COX20: variants seen among roughly 807,000 people sequenced by gnomAD.
COX20 encodes the protein cytochrome c oxidase assembly protein COX20, mitochondrial.
A neutral mutation model predicts 14.3 loss-of-function variants in COX20; 14 were observed. The ratio of observed to expected loss-of-function variants is 0.98; its 90% CI spans 0.65 to 1.53. The LOEUF (loss-of-function observed/expected upper bound fraction) is 1.53. COX20 is among the 40% of genes most tolerant of loss of function. The pLI is 0.00. For missense variants in COX20, 149 were observed against 142.1 expected, an observed-to-expected ratio of 1.05 and a Z score of -0.25; for synonymous variants, 56 against 51.7, an observed-to-expected ratio of 1.08 and a Z score of -0.36.
chr1:244,841,608 TGATAG>T, intron 1 of COX20: 1 of 184,704 alleles, frequency 5.4e-6, no homozygotes, highest in South Asian at 1.4e-4. Flanking sequence ...TCAATTCCAA[TGATAG>T]GCATATTCCC....
intron 1 of COX20, chr1:244,841,019 G>C (rs1009130919): frequency 6.6e-6 from 1 of 152,150 alleles, no homozygotes. Context: ...CTAAACTTTT[G>C]TGTTAACAGA....
rs771340542 is a variant in COX20 at position 244,843,081 on chromosome 1, G to T, written c.262G>T (p.Glu88Ter). The T allele has an allele frequency of 3.1e-6, 5 of 1,592,538 alleles. No individual in the cohort carries two copies. The highest frequency in any genetic ancestry group is 1.7e-6 in the Non-Finnish European group (2 of 1,171,980). The change falls in exon 4 of 4, where the codon GAA becomes TAA. Residue 88 changes from glutamate (E) to a stop codon, truncating the protein, a stop_gained. Coordinates refer to ENST00000411948, the MANE Select transcript of COX20 (RefSeq NM_198076.6). LOFTEE classifies it high-confidence loss of function. ...RYNYAKQRIQ[E>*]RIAREEIKKK... ...TAATTATGCAAAGCAAAGAATCCAG[G>T]AAAGAATTGCCAGAGAAGAAATTAA...
chr1:244,835,791 TG>T, intron 1 of COX20, 35 bp downstream of exon 1: 1 of 1,240,132 alleles, frequency 8.1e-7, no homozygotes, highest in Non-Finnish European at 1.0e-6. Context: ...GCGCCGCGGG[TG>T]GGCGGTGGGT....
chr1:244,844,294 A>G lies in COX20; in HGVS notation c.*1118A>G, dbSNP rs1434321854. The G allele has an allele frequency of 6.6e-6, 1 of 152,188 alleles. No homozygotes were observed. The highest frequency in any genetic ancestry group is 2.4e-5 in the African/African-American group (1 of 41,456). 9.4% of individuals were successfully genotyped at this position (152,188 alleles called of 1,614,324 possible). A position where few individuals can be genotyped will look rare whatever the true frequency, so the allele number is the denominator to read the frequency against. ...GTGGCTGTCGCTAGGAAGGATGCAGAGGCTGTGTGGTTTACCAAATGCCTT... is the reference window on the plus strand; with the variant it reads ...GTGGCTGTCGCTAGGAAGGATGCAGGGGCTGTGTGGTTTACCAAATGCCTT... On this transcript the variant is annotated 3_prime_UTR_variant, in exon 4 of 4. Coordinates refer to ENST00000411948, the MANE Select transcript of COX20 (RefSeq NM_198076.6).
chr1:244,835,711 C>A lies in COX20; in HGVS notation c.-4C>A. On this transcript the variant is annotated 5_prime_UTR_variant, in exon 1 of 4. Coordinates refer to ENST00000411948, the MANE Select transcript of COX20 (RefSeq NM_198076.6). ...AGGGCGGGTGGAGTCGCGGAGTAGT[C>A]CTCATGGCCGCCCCGCCGGAGCCCG... is the stretch of plus-strand genomic sequence containing the variant. 1 of 1,267,532 alleles carries A rather than the reference C, an allele frequency of 7.9e-7. No individual in the cohort carries two copies. Among genetic ancestry groups the A allele is most frequent in the Non-Finnish European group, 1.0e-6 (1 of 1,004,316 alleles). 78.5% of individuals were successfully genotyped at this position (1,267,532 alleles called of 1,614,324 possible). A position where few individuals can be genotyped will look rare whatever the true frequency, so the allele number is the denominator to read the frequency against.
At position 244,843,062 on chromosome 1, in the gene COX20, TGCAAA is replaced by T; in HGVS notation, c.250_254del (p.Gln84AsnfsTer11). Reference sequence around the variant, plus strand: ...TAAGGTTTCATTGTAGGTATAATTATGCAAAGCAAAGAATCCAGGAAAGAATTGCC... The same window carrying T: ...TAAGGTTTCATTGTAGGTATAATTATGCAAAGAATCCAGGAAAGAATTGCC... On this transcript the variant is annotated frameshift_variant, in exon 4 of 4. Coordinates refer to ENST00000411948, the MANE Select transcript of COX20 (RefSeq NM_198076.6). LOFTEE classifies it high-confidence loss of function. 1 of 1,584,362 alleles carries T rather than the reference TGCAAA, an allele frequency of 6.3e-7. No homozygotes were observed. Among genetic ancestry groups the T allele is most frequent in the Non-Finnish European group, 8.6e-7 (1 of 1,167,332 alleles).
At chr1:244,838,779 T>A (rs1195371027) in intron 1 of COX20, among the ~76,000 whole-genome samples, 3 of 150,828 alleles carry the variant, frequency 2.0e-5, no homozygotes, top group African/African-American at 7.3e-5. Context: ...AGGAGAGGGG[T>A]GTATAGAGGA....
At chr1:244,842,397 C>A in intron 3 of COX20, 139 bp downstream of exon 3, 1 of 692,726 alleles carries the variant, frequency 1.4e-6, no homozygotes, top group South Asian at 1.7e-5. Context: ...AGGACATTTT[C>A]ATGGAAATCT....
Position 244,843,253 on chromosome 1 carries a change from C to A in COX20, c.*77C>A. 7.0e-7 allele frequency: 1 copy of A among 1,427,198 alleles called. No homozygotes were observed. Among genetic ancestry groups the A allele is most frequent in the Non-Finnish European group, 9.5e-7 (1 of 1,055,944 alleles). The allele number at this position is 1,427,198 out of a possible 1,614,324, so 88.4% of individuals were successfully genotyped here. On this transcript the variant is annotated 3_prime_UTR_variant, in exon 4 of 4. Transcript: ENST00000411948. ...AAACATTTCATGTGCAATAAGCTCTCAATCAAGTAAATAAAGTTTAAGTTG... is the reference window on the plus strand; with the variant it reads ...AAACATTTCATGTGCAATAAGCTCTAAATCAAGTAAATAAAGTTTAAGTTG...
At chr1:244,838,770 G>C (rs1345912581) in intron 1 of COX20, among the ~76,000 whole-genome samples, 1 of 151,972 alleles carries the variant, frequency 6.6e-6, no homozygotes, top group Non-Finnish European at 1.5e-5. Context: ...GCTGATGAGA[G>C]GAGAGGGGTG....
chr1:244,843,167 C>G lies in COX20; in HGVS notation c.348C>G (p.Ser116Arg), dbSNP rs984299020. ...LDPERKHNGS[S>R]SN ...CTGAAAGAAAACACAACGGCAGCAG[C>G]AGCAATTGAACAATCTTGAGCATAG... is the stretch of plus-strand genomic sequence containing the variant. Residue 116 changes from serine to arginine, a missense_variant, in exon 4 of 4, where the codon AGC becomes AGG. Transcript: ENST00000411948. 4 of 1,587,208 alleles carry G rather than the reference C, an allele frequency of 2.5e-6. No homozygotes were observed. In the African/African-American group the frequency reaches 5.6e-5, roughly 22 times the overall value.
In COX20 at chr1:244,838,120, G is replaced by C. The variant is rs116393494; in HGVS notation, c.42+2364G>C. Among the ~76,000 whole-genome samples, 1,233 of 152,294 alleles carry C rather than the reference G, an allele frequency of 8.1e-3. 10 individuals carry two copies. Among genetic ancestry groups the C allele is most frequent in the Non-Finnish European group, 0.012 (818 of 68,022 alleles). ...GGTGGGCAGTGGTCTGGCTCAGGATGTATTTAGAATGTGGATCCTTCCAGA... is the reference window on the plus strand; with the variant it reads ...GGTGGGCAGTGGTCTGGCTCAGGATCTATTTAGAATGTGGATCCTTCCAGA... On this transcript the variant is annotated intron_variant, in intron 1 of 3. Coordinates refer to ENST00000411948, the MANE Select transcript of COX20 (RefSeq NM_198076.6).
intron 1 of COX20, chr1:244,840,022 G>C (rs1029707833): frequency 6.6e-6 from 1 of 152,150 alleles, no homozygotes; most frequent in African/African-American, 2.4e-5. Context: ...TATTATTTTA[G>C]ACCAGAGTTT....
At position 244,843,041 on chromosome 1, in the gene COX20, G is replaced by C; in HGVS notation, c.222G>C (p.Trp74Cys). ...GGFILVTLGC[W>C]FHCRYNYAKQ... Reference sequence around the variant, plus strand: ...TTTATTCATATTCTTTTCTTCTAAGGTTTCATTGTAGGTATAATTATGCAA... The same window carrying C: ...TTTATTCATATTCTTTTCTTCTAAGCTTTCATTGTAGGTATAATTATGCAA... Residue 74 changes from tryptophan to cysteine, a missense_variant and splice_region_variant, in exon 4 of 4, where the codon TGG (tryptophan) becomes TGC (cysteine). Transcript: ENST00000411948. 1.3e-6 allele frequency: 2 copies of C among 1,543,084 alleles called. No homozygotes were observed. Among genetic ancestry groups the C allele is most frequent in the Non-Finnish European group, 1.7e-6 (2 of 1,146,774 alleles).
chr1:244,839,896 C>A (rs899399952), intron 1 of COX20: 1 of 152,098 alleles, frequency 6.6e-6, no homozygotes, highest in African/African-American at 2.4e-5. Flanking sequence ...CTTAAGTCCC[C>A]GAGCCTGTTT....
chr1:244,836,830 T>C (rs576099097), intron 1 of COX20, among the ~76,000 whole-genome samples: 3 of 152,320 alleles, frequency 2.0e-5, no homozygotes, highest in Non-Finnish European at 4.4e-5. Flanking sequence ...TCAGATCATA[T>C]GGTTAATATT....
chr1:244,838,047 G>A (rs1228070746), intron 1 of COX20, among the ~76,000 whole-genome samples: 2 of 152,198 alleles, frequency 1.3e-5, no homozygotes, highest in South Asian at 2.1e-4. Flanking sequence ...GTCTTTTGAT[G>A]TATCAGTTTC....
At position 244,844,518 on chromosome 1, in the gene COX20, G is replaced by C. The variant is rs1680346177; in HGVS notation, c.*1342G>C. On this transcript the variant is annotated 3_prime_UTR_variant, in exon 4 of 4. Transcript: ENST00000411948. ...CATACCTGTAATCCCAGCACTTTGG[G>C]AGGCCGAGGCAGTTGGATCACCTGA... is the stretch of plus-strand genomic sequence containing the variant. 6.6e-6 allele frequency: 1 copy of C among 152,238 alleles called. No individual in the cohort carries two copies. Among genetic ancestry groups the C allele is most frequent in the Non-Finnish European group, 1.5e-5 (1 of 68,106 alleles). 9.4% of individuals were successfully genotyped at this position (152,238 alleles called of 1,614,324 possible). A position where few individuals can be genotyped will look rare whatever the true frequency, so the allele number is the denominator to read the frequency against.
rs781001760 is a variant in COX20, at chr1:244,841,958, A to G, written c.57A>G (p.Leu19=). Residue 19 remains leucine, a synonymous_variant, in exon 2 of 4, where the codon CTA becomes CTG. Coordinates refer to ENST00000411948, the MANE Select transcript of COX20 (RefSeq NM_198076.6). ...TTTCATTCTAGTCCCTTAAGCTCCT[A>G]GGATTTTTAGATGTTGAAAATACTC... is the stretch of plus-strand genomic sequence containing the variant. ...EPEERKSLKL[L]GFLDVENTPC... is the part of the protein sequence containing the mutation. The G allele has an allele frequency of 4.4e-6, 7 of 1,594,428 alleles. No individual in the cohort carries two copies. In the African/African-American group the frequency reaches 9.4e-5, roughly 21 times the overall value.
Sources: allele counts gnomAD v4.1 joint callset (sites outside exome capture counted in the v4.1 genomes callset), GRCh38; gene constraint gnomAD v4.1.1; transcripts MANE v1.5; gene names NCBI Gene and HGNC (gene_info 2026-07-23, HGNC 2026-07-21).